Variants in CREM observed in about 807,000 individuals in gnomAD.
CREM encodes the protein cAMP-responsive element modulator.
CREM carries 13 observed loss-of-function variants against 37.3 expected under a neutral mutation model. That is an observed-to-expected ratio of 0.35 (90% CI 0.23 to 0.55). The LOEUF (loss-of-function observed/expected upper bound fraction) is 0.55. Among genes scored for constraint, CREM ranks in the 20% least tolerant of loss-of-function variants. CREM has a pLI of 0.88. For synonymous variants in CREM, 124 were observed against 120.2 expected (o/e 1.03, Z -0.21); for missense variants, 296 against 362.3 (o/e 0.82, Z 1.49).
chr10:35,201,566 A>G (rs1290445686), intron 6 of CREM: 1 of 1,525,204 alleles, frequency 6.6e-7, no homozygotes, highest in Admixed American at 2.0e-5. Context: ...GCTTGCAAAG[A>G]GAGATATGTA....
chr10:35,171,866 A>G (rs1041781453), intron 3 of CREM, among the ~76,000 whole-genome samples: 2 of 152,216 alleles, frequency 1.3e-5, no homozygotes, highest in Non-Finnish European at 2.9e-5. Flanking sequence ...AAAATGTAAT[A>G]TCTTCAGAAA....
chr10:35,169,827 C>G (rs1179776117), intron 3 of CREM, among the ~76,000 whole-genome samples: 3 of 152,056 alleles, frequency 2.0e-5, no homozygotes, highest in Non-Finnish European at 4.4e-5. Flanking sequence ...TGTCAAAGGC[C>G]TTTTCTGCAT....
chr10:35,156,234 C>T (rs555128752), intron 3 of CREM, among the ~76,000 whole-genome samples: 38 of 150,298 alleles, frequency 2.5e-4, no homozygotes, highest in African/African-American at 8.0e-4. Context: ...CCACAGTTCC[C>T]GGCCACCTCT....
At position 35,211,921 on chromosome 10, in the gene CREM, CTT is replaced by C. The variant is rs2095669967; in HGVS notation, c.*524_*525del. On this transcript the variant is annotated 3_prime_UTR_variant, in exon 8 of 8. Coordinates refer to ENST00000685392, the MANE Select transcript of CREM (RefSeq NM_183011.2). ...TATCATTCATCTTCTTCTTTAATCA[CTT>C]AACATTCCTAAAATGCTTCACTGTA... 1 of 1,028,530 alleles carries C rather than the reference CTT, an allele frequency of 9.7e-7. No individual in the cohort carries two copies. Among genetic ancestry groups the C allele is most frequent in the African/African-American group, 1.6e-5 (1 of 60,818 alleles). The allele number at this position is 1,028,530 out of a possible 1,614,324, so 63.7% of individuals were successfully genotyped here. A position where few individuals can be genotyped will look rare whatever the true frequency, so the allele number is the denominator to read the frequency against.
At chr10:35,161,921 G>A (rs1285645824) in intron 3 of CREM, among the ~76,000 whole-genome samples, 1 of 152,124 alleles carries the variant, frequency 6.6e-6, no homozygotes, top group Non-Finnish European at 1.5e-5. Context: ...TTTCATTACT[G>A]GGTATCTATC....
In CREM at chr10:35,183,393, C is replaced by T. The variant is rs376823444; in HGVS notation, c.409+4117C>T. Among the ~76,000 whole-genome samples, 5 of 152,184 alleles carry T rather than the reference C, an allele frequency of 3.3e-5. No homozygotes were observed. In the South Asian group the frequency reaches 6.2e-4, roughly 19 times the overall value. On this transcript the variant is annotated intron_variant, in intron 5 of 7. Coordinates refer to ENST00000685392, the MANE Select transcript of CREM (RefSeq NM_183011.2). Reference sequence around the variant, plus strand: ...AGGCTTACACATTCGAAAGTTAATCCAGTTGCAGTTCTTAATAGTGACGTT... The same window carrying T: ...AGGCTTACACATTCGAAAGTTAATCTAGTTGCAGTTCTTAATAGTGACGTT...
chr10:35,187,182 T>C (rs1445444466), intron 5 of CREM, among the ~76,000 whole-genome samples: 1 of 72,704 alleles, frequency 1.4e-5, no homozygotes, highest in African/African-American at 5.0e-5. Flanking sequence ...AATATTAATA[T>C]ATAAATATAT....
In CREM at chr10:35,148,422, T is replaced by C. The variant is rs377042226; in HGVS notation, c.99T>C (p.Ser33=). ...ESQHDGSITA[S]LTESKSAHVQ... ...AGCATGATGGAAGTATAACAGCTTC[T>C]TTGACAGAGAGCAAGTCTGCTCATG... The change falls in exon 3 of 8, where the codon TCT becomes TCC. Residue 33 remains serine (S), a synonymous_variant. Coordinates refer to ENST00000685392, the MANE Select transcript of CREM (RefSeq NM_183011.2). The C allele has an allele frequency of 7.4e-6, 12 of 1,613,768 alleles. No homozygotes were observed. Among genetic ancestry groups the C allele is most frequent in the Non-Finnish European group, 9.3e-6 (11 of 1,179,868 alleles).
chr10:35,211,767 C>T lies in CREM; in HGVS notation c.*369C>T, dbSNP rs1029637262. On this transcript the variant is annotated 3_prime_UTR_variant, in exon 8 of 8. Coordinates refer to ENST00000685392, the MANE Select transcript of CREM (RefSeq NM_183011.2). Reference sequence around the variant, plus strand: ...AGAAGCTTATAGAGGAACTTGAAACCTTGAAAGACATTTGTTCTCCCAAAA... The same window carrying T: ...AGAAGCTTATAGAGGAACTTGAAACTTTGAAAGACATTTGTTCTCCCAAAA... 3.7e-6 allele frequency: 6 copies of T among 1,613,326 alleles called. No homozygotes were observed. The highest frequency in any genetic ancestry group is 1.7e-5 in the Admixed American group (1 of 59,826).
Position 35,195,354 on chromosome 10 carries a change from C to T in CREM, c.598+6966C>T, listed in dbSNP as rs142707912. ...GTAAGACTTTTTTTGAAATATACATCTATATATTCAGCTCACTTTGTTAGG... is the reference window on the plus strand; with the variant it reads ...GTAAGACTTTTTTTGAAATATACATTTATATATTCAGCTCACTTTGTTAGG... On this transcript the variant is annotated intron_variant, in intron 6 of 7. Transcript: ENST00000685392. 4.9e-6 allele frequency: 4 copies of T among 818,054 alleles called. No individual in the cohort carries two copies. In the South Asian group the frequency reaches 6.8e-5, roughly 14 times the overall value. 50.7% of individuals were successfully genotyped at this position (818,054 alleles called of 1,614,324 possible).
intron 5 of CREM, 24 bp downstream of exon 5, chr10:35,179,300 G>A (rs1338987896): frequency 3.5e-5 from 57 of 1,610,982 alleles, no homozygotes; most frequent in Non-Finnish European, 4.8e-5. Context: ...AATTCGATAT[G>A]ATACAGTGCT....
chr10:35,192,910 A>G (rs934715887), intron 6 of CREM, among the ~76,000 whole-genome samples: 15 of 152,152 alleles, frequency 9.9e-5, no homozygotes, highest in Admixed American at 3.3e-4. Context: ...GCATTCTTTA[A>G]TAGCTGCCTA....
chr10:35,209,491 A>G (rs796510899), intron 7 of CREM: 5 of 353,506 alleles, frequency 1.4e-5, no homozygotes, highest in Middle Eastern at 1.3e-3. Context: ...TGTGCCTGCA[A>G]CATTTTGACT....
At chr10:35,171,115 T>G (rs2093794128) in intron 3 of CREM, 1 of 151,266 alleles carries the variant, frequency 6.6e-6, no homozygotes, top group South Asian at 2.1e-4. Flanking sequence ...TGGTTTATGT[T>G]AGCGGGTACA....
At chr10:35,128,787 A>G (rs2088668366) in intron 1 of CREM, among the ~76,000 whole-genome samples, 1 of 151,842 alleles carries the variant, frequency 6.6e-6, no homozygotes, top group African/African-American at 2.4e-5. Flanking sequence ...GGCCTCCCAA[A>G]GTGCTGGGAT....
At chr10:35,195,733 CT>C (rs2095129336) in intron 6 of CREM, 2 of 380,224 alleles carry the variant, frequency 5.3e-6, no homozygotes, top group South Asian at 6.3e-5. Flanking sequence ...TTCTTTCCTC[CT>C]GTATTTAAAA....
Position 35,207,208 on chromosome 10 carries a change from C to T in CREM, c.755+157C>T, listed in dbSNP as rs964534547. On this transcript the variant is annotated intron_variant, in intron 7 of 7. Coordinates refer to ENST00000685392, the MANE Select transcript of CREM (RefSeq NM_183011.2). ...GAGATCAAGACCATCCTGGCTAACA[C>T]GGTGAAACCCCATCTCTACTAAAAA... 6.0e-5 allele frequency among the ~76,000 whole-genome samples: 9 copies of T among 149,770 alleles called. No homozygotes were observed. The East Asian group carries it at 8.2e-4, about 14-fold the overall frequency.
intron 1 of CREM, among the ~76,000 whole-genome samples, chr10:35,132,215 AAAG>A (rs556200951): frequency 0.11 from 15,281 of 141,396 alleles, 817 homozygotes; most frequent in East Asian, 0.18. Context: ...AAAAAAAAAA[AAAG>A]AAAAAAAAAT....
Position 35,171,423 on chromosome 10 carries a change from C to G in CREM, c.169-7466C>G, listed in dbSNP as rs944419726. Reference sequence around the variant, plus strand: ...CTGACCTCAGGTAATCCACCTGCCTCGGCCTCCTGAAGTGCTGGGATTACA... The same window carrying G: ...CTGACCTCAGGTAATCCACCTGCCTGGGCCTCCTGAAGTGCTGGGATTACA... On this transcript the variant is annotated intron_variant, in intron 3 of 7. Transcript: ENST00000685392. The G allele has an allele frequency of 2.6e-5, 4 of 152,026 alleles. No homozygotes were observed. In the East Asian group the frequency reaches 7.7e-4, roughly 29 times the overall value. The allele number at this position is 152,026 out of a possible 1,614,324, so 9.4% of individuals were successfully genotyped here.
Sources: gnomAD v4.1 joint callset for allele counts (sites outside exome capture counted in the v4.1 genomes callset) on GRCh38, gnomAD v4.1.1 for gene constraint, MANE v1.5 for transcripts, NCBI Gene and HGNC (gene_info 2026-07-23, HGNC 2026-07-21) for gene names.